Variants in CACNA1G observed in about 807,000 individuals in gnomAD.
The protein encoded by CACNA1G is calcium voltage-gated channel subunit alpha1 G, also known as voltage-dependent T-type calcium channel subunit alpha-1G.
In CACNA1G, 67 loss-of-function variants were observed where a neutral mutation model predicts 219.4. The observed-to-expected ratio is 0.31, with a 90% confidence interval of 0.25 to 0.37. CACNA1G has a LOEUF of 0.37. CACNA1G is among the 10% of genes least tolerant of loss of function. The pLI, the probability that CACNA1G is intolerant of heterozygous loss-of-function variation, is 1.00. For synonymous variants in CACNA1G, 1,296 were observed against 1,345.3 expected (o/e 0.96, Z 0.80); for missense variants, 2,380 against 3,231.4 (o/e 0.74, Z 6.39).
chr17:50,574,170 A>C (rs2040077590), intron 7 of CACNA1G, among the ~76,000 whole-genome samples: 1 of 152,208 alleles, frequency 6.6e-6, no homozygotes, highest in Non-Finnish European at 1.5e-5. Flanking sequence ...GATCACACAG[A>C]AAGTAAGCGG....
chr17:50,569,271 G>A lies in CACNA1G; in HGVS notation c.461G>A (p.Arg154Gln), dbSNP rs1176922706. 3 of 1,613,798 alleles carry A rather than the reference G, an allele frequency of 1.9e-6. No individual in the cohort carries two copies. The highest frequency in any genetic ancestry group is 2.5e-6 in the Non-Finnish European group (3 of 1,179,832). ...KKCYLGDTWN[R>Q]LDFFIVIAGM... ...TGTTACCTGGGAGACACTTGGAACC[G>A]GCTTGACTTTTTCATCGTCATCGCA... Residue 154 changes from arginine (R) to glutamine (Q), a missense_variant, in exon 3 of 38, where the codon CGG (arginine) becomes CAG (glutamine). By Grantham distance (43) the Arg-to-Gln change is conservative. Transcript: ENST00000359106.
At position 50,590,538 on chromosome 17, in the gene CACNA1G, T is replaced by C; in HGVS notation, c.2369T>C (p.Met790Thr). ...TTCACCAGCCTCTTTGCCCTGGAGA[T>C]GCTGCTGAAGCTGCTTGTGTATGGT... ...IVFTSLFALE[M>T]LLKLLVYGPF... is the part of the protein sequence containing the mutation. Residue 790 changes from methionine to threonine, a missense_variant, in exon 10 of 38, where the codon ATG becomes ACG. By Grantham distance (81) the Met-to-Thr change is moderately conservative. Transcript: ENST00000359106. 6.2e-7 allele frequency: 1 copy of C among 1,613,954 alleles called. No homozygotes were observed. Among genetic ancestry groups the C allele is most frequent in the Admixed American group, 1.7e-5 (1 of 60,026 alleles).
intron 13 of CACNA1G, 137 bp from the exon 14 acceptor site, chr17:50,594,856 T>A (rs943985907): frequency 3.3e-6 from 2 of 613,678 alleles, no homozygotes; most frequent in African/African-American, 1.8e-5. Context: ...TGCCCCCCCA[T>A]TCCCCGTGTC....
intron 36 of CACNA1G, 36 bp from the exon 37 acceptor site, chr17:50,624,324 T>TGCCCCCCCCCCCCCCCCCCGTG: frequency 8.5e-7 from 1 of 1,177,664 alleles, no homozygotes; most frequent in Non-Finnish European, 1.2e-6. Context: ...CTCCATTCTC[T>TGCCCCCCCCCCCCCCCCCCGTG]CCCCCCACCC....
intron 1 of CACNA1G, among the ~76,000 whole-genome samples, chr17:50,565,131 GCACACACACACGCGCA>G (rs1281852063): frequency 7.3e-6 from 1 of 137,114 alleles, no homozygotes; most frequent in Non-Finnish European, 1.5e-5. Context: ...GCACGCGCGC[GCACACACACACGCGCA>G]CACACACACA....
At chr17:50,623,263 A>AT (rs35058899) in intron 35 of CACNA1G, among the ~76,000 whole-genome samples, 12,573 of 50,912 alleles carry the variant, frequency 0.25, 2,560 homozygotes, top group African/African-American at 0.37. Flanking sequence ...TATCCAGCTA[A>AT]TTTTTTTTTT....
In CACNA1G at chr17:50,604,212, G is replaced by A. The variant is rs1598528551; in HGVS notation, c.4227G>A (p.Leu1409=). 1.2e-6 allele frequency: 2 copies of A among 1,613,860 alleles called. No homozygotes were observed. The highest frequency in any genetic ancestry group is 2.2e-5 in the East Asian group (1 of 44,882). Residue 1409 remains leucine (L), a synonymous_variant, in exon 22 of 38, where the codon CTG becomes CTA. Coordinates refer to ENST00000359106, the MANE Select transcript of CACNA1G (RefSeq NM_018896.5). ...TGGTGGAGACGCTGATGTCCTCACT[G>A]AAACCCATCGGCAACATTGTAGTCA... ...KLVVETLMSS[L]KPIGNIVVIC...
chr17:50,608,336 T>A (rs997589555), intron 25 of CACNA1G, among the ~76,000 whole-genome samples: 2 of 151,924 alleles, frequency 1.3e-5, no homozygotes, highest in East Asian at 3.9e-4. Context: ...CAGAGGAGCC[T>A]CACTGGCTGC....
chr17:50,602,768 C>A, intron 19 of CACNA1G, 52 bp from the exon 20 acceptor site: 1 of 1,567,910 alleles, frequency 6.4e-7, no homozygotes, highest in African/African-American at 1.3e-5. Context: ...GCAGACCTGG[C>A]CCAAGGGTGG....
rs2035525701 is a variant in CACNA1G, at chr17:50,561,322, C to G, written c.-138C>G. ...GCAGGGGGAGCTGGGCTGAACTGGC[C>G]CTCCCGGGGGCTCAGCTTGCGCCCT... On this transcript the variant is annotated 5_prime_UTR_variant, in exon 1 of 38. Coordinates refer to ENST00000359106, the MANE Select transcript of CACNA1G (RefSeq NM_018896.5). The G allele has an allele frequency of 9.2e-7, 1 of 1,090,276 alleles. No individual in the cohort carries two copies. The highest frequency in any genetic ancestry group is 1.3e-6 in the Non-Finnish European group (1 of 772,288). 67.5% of individuals were successfully genotyped at this position (1,090,276 alleles called of 1,614,324 possible).
intron 26 of CACNA1G, among the ~76,000 whole-genome samples, chr17:50,614,963 T>C (rs1186953796): frequency 6.6e-6 from 1 of 152,232 alleles, no homozygotes; most frequent in African/African-American, 2.4e-5. Flanking sequence ...TGCCTCCCCG[T>C]TGATGGCGCG....
rs780466628 is a variant in CACNA1G at position 50,604,299 on chromosome 17, G to A, written c.4296+18G>A. 6.2e-7 allele frequency: 1 copy of A among 1,611,310 alleles called. No individual in the cohort carries two copies. Among genetic ancestry groups the A allele is most frequent in the East Asian group, 2.2e-5 (1 of 44,830 alleles). Reference sequence around the variant, plus strand: ...GGGTGCAGGTGTGTGGGGTTCTGGGGGCCAGCTGTGGGTGAAAGCCTGAAG... The same window carrying A: ...GGGTGCAGGTGTGTGGGGTTCTGGGAGCCAGCTGTGGGTGAAAGCCTGAAG... On this transcript the variant is annotated intron_variant, in intron 22 of 37. Coordinates refer to ENST00000359106, the MANE Select transcript of CACNA1G (RefSeq NM_018896.5).
chr17:50,618,132 T>G lies in CACNA1G; in HGVS notation c.5305+6T>G. ...GGAGCTCTTTGGAGACCTGGGTGAGTTGGGGTAGGGGAGGGTGGAGGAGCC... is the reference window on the plus strand; with the variant it reads ...GGAGCTCTTTGGAGACCTGGGTGAGGTGGGGTAGGGGAGGGTGGAGGAGCC... On this transcript the variant is annotated splice_donor_region_variant and intron_variant, in intron 31 of 37. Transcript: ENST00000359106. The surrounding 1 kb of genome is among the most constrained non-coding windows in gnomAD (Gnocchi z 5.3). 6.2e-7 allele frequency: 1 copy of G among 1,613,774 alleles called. No homozygotes were observed. Among genetic ancestry groups the G allele is most frequent in the Non-Finnish European group, 8.5e-7 (1 of 1,179,824 alleles).
Position 50,602,869 on chromosome 17 carries a change from T to C in CACNA1G, c.3965T>C (p.Leu1322Pro). ...LSNYIFTAVFLAEMTVKVVAL... is the reference protein window; with the variant it reads ...LSNYIFTAVFPAEMTVKVVAL... ...AATTACATCTTCACCGCAGTCTTTC[T>C]GGCTGAAATGACAGTGAAGGTGATG... Residue 1322 changes from leucine to proline, a missense_variant, in exon 20 of 38, where the codon CTG becomes CCG. By Grantham distance (98) the Leu-to-Pro change is moderately conservative (BLOSUM62 -3). Coordinates refer to ENST00000359106, the MANE Select transcript of CACNA1G (RefSeq NM_018896.5). 6.2e-7 allele frequency: 1 copy of C among 1,613,168 alleles called. No homozygotes were observed. The highest frequency in any genetic ancestry group is 8.5e-7 in the Non-Finnish European group (1 of 1,179,664).
At chr17:50,624,334 C>T in intron 36 of CACNA1G, 26 bp from the exon 37 acceptor site, 1 of 1,304,492 alleles carries the variant, frequency 7.7e-7, no homozygotes, top group Non-Finnish European at 1.1e-6. Context: ...TCCCCCCACC[C>T]CTCCCCCGCT....
chr17:50,600,875 A>G lies in CACNA1G; in HGVS notation c.3791+49A>G. 6 of 1,575,014 alleles carry G rather than the reference A, an allele frequency of 3.8e-6. No individual in the cohort carries two copies. The highest frequency in any genetic ancestry group is 4.4e-6 in the Non-Finnish European group (5 of 1,145,406). On this transcript the variant is annotated intron_variant, in intron 18 of 37. Coordinates refer to ENST00000359106, the MANE Select transcript of CACNA1G (RefSeq NM_018896.5). The surrounding 1 kb of genome is among the most constrained non-coding windows in gnomAD (Gnocchi z 4.1). ...ACCTGTGTCCCGACCTCTTCTTCTC[A>G]CGGGAAATTACCGCTGGTGATGCTG...
rs2051948386 is a variant in CACNA1G at position 50,621,328 on chromosome 17, C to T, written c.5926-332C>T. Among the ~76,000 whole-genome samples, 2 of 152,030 alleles carry T rather than the reference C, an allele frequency of 1.3e-5. No individual in the cohort carries two copies. The highest frequency in any genetic ancestry group is 2.9e-5 in the Non-Finnish European group (2 of 67,990). On this transcript the variant is annotated intron_variant, in intron 34 of 37. Transcript: ENST00000359106. This position sits in a 1 kb window ranked among gnomAD's most constrained non-coding sequence, Gnocchi z 4.6. ...AGCCCTCGGTCCTCCCGCTCCCTCC[C>T]TGGGTGGTGGTAGTGTGGGAGGGGC...
At position 50,626,965 on chromosome 17, in the gene CACNA1G, G is replaced by A. The variant is rs772094515; in HGVS notation, c.*214G>A. On this transcript the variant is annotated 3_prime_UTR_variant, in exon 38 of 38. Coordinates refer to ENST00000359106, the MANE Select transcript of CACNA1G (RefSeq NM_018896.5). This position sits in a 1 kb window ranked among gnomAD's most constrained non-coding sequence, Gnocchi z 4.3. Reference sequence around the variant, plus strand: ...ACTCTGGCTCCAGGCAGAAGGAGAGGCCCGGTGCAGCTGAGGTTCCCGACA... The same window carrying A: ...ACTCTGGCTCCAGGCAGAAGGAGAGACCCGGTGCAGCTGAGGTTCCCGACA... 1.4e-6 allele frequency: 1 copy of A among 701,746 alleles called. No homozygotes were observed. The highest frequency in any genetic ancestry group is 2.6e-6 in the Non-Finnish European group (1 of 387,736). The allele number at this position is 701,746 out of a possible 1,614,324, so 43.5% of individuals were successfully genotyped here. A position where few individuals can be genotyped will look rare whatever the true frequency, so the allele number is the denominator to read the frequency against.
At position 50,572,546 on chromosome 17, in the gene CACNA1G, T is replaced by C; in HGVS notation, c.747-8T>C. The C allele has an allele frequency of 1.3e-6, 2 of 1,522,814 alleles. No homozygotes were observed. The highest frequency in any genetic ancestry group is 4.0e-5 in the Admixed American group (2 of 49,840). 94.3% of individuals were successfully genotyped at this position (1,522,814 alleles called of 1,614,324 possible). On this transcript the variant is annotated splice_polypyrimidine_tract_variant and splice_region_variant and intron_variant, in intron 5 of 37. Transcript: ENST00000359106. The stretch of plus-strand genomic sequence containing the variant: ...AGTCTCACCCCTGTTCCCCTTCCCA[T>C]CCTGCAGCCCCCTGAGCGTGGACCT...
Sources: allele counts gnomAD v4.1 joint callset (sites outside exome capture counted in the v4.1 genomes callset), GRCh38; gene constraint gnomAD v4.1.1; non-coding constraint Gnocchi (gnomAD v3.1); transcripts MANE v1.5; gene names NCBI Gene and HGNC (gene_info 2026-07-23, HGNC 2026-07-21).